The following PRKG1 variants were observed in gnomAD, a reference collection of about 807,000 sequenced individuals.
PRKG1 encodes the protein cGMP-dependent protein kinase 1.
Under a neutral mutation model 88.1 loss-of-function variants are expected in PRKG1, and 35 were observed. The observed-to-expected ratio is 0.40, with a 90% CI of 0.30 to 0.53. PRKG1 has a LOEUF of 0.53. Ranked by LOEUF, PRKG1 falls within the 20% of genes least tolerant of loss-of-function variation. The probability of loss-of-function intolerance (pLI) is 0.59; values close to 1 mark genes in which losing one functional copy is unlikely to be tolerated. For missense variants in PRKG1, 540 were observed against 839.8 expected (o/e 0.64, Z 4.41); for synonymous variants, 303 against 292.5 (o/e 1.04, Z -0.37).
chr10:52,078,115 T>A (rs1298492659), intron 7 of PRKG1, among the ~76,000 whole-genome samples: 1 of 152,200 alleles, frequency 6.6e-6, no homozygotes, highest in Non-Finnish European at 1.5e-5. Flanking sequence ...CCACACACAT[T>A]CTGTAAGAAG....
intron 1 of PRKG1, among the ~76,000 whole-genome samples, chr10:51,003,804 C>A (rs1842913591): frequency 6.6e-6 from 1 of 151,920 alleles, no homozygotes; most frequent in Admixed American, 6.6e-5. Context: ...ATTTTTTCAC[C>A]CGAAATAAAA....
At chr10:51,502,228 T>C (rs1926212) in intron 3 of PRKG1, among the ~76,000 whole-genome samples, 50,150 of 151,892 alleles carry the variant, frequency 0.33, 9,411 homozygotes, top group East Asian at 0.8. Flanking sequence ...ATCTCTGTTA[T>C]GCCACCAATT....
chr10:51,828,941 C>T (rs1466641920), intron 4 of PRKG1, among the ~76,000 whole-genome samples: 1 of 152,166 alleles, frequency 6.6e-6, no homozygotes, highest in Non-Finnish European at 1.5e-5. Context: ...TGGTTTAAAA[C>T]AACAAACATT....
At chr10:51,187,461 T>C (rs1837521642) in intron 2 of PRKG1, among the ~76,000 whole-genome samples, 1 of 152,052 alleles carries the variant, frequency 6.6e-6, no homozygotes, top group Non-Finnish European at 1.5e-5. Flanking sequence ...ATTTAAAAGT[T>C]GACCTTTTTT....
chr10:51,424,914 C>T (rs376594085), intron 2 of PRKG1, among the ~76,000 whole-genome samples: 11 of 152,224 alleles, frequency 7.2e-5, no homozygotes, highest in African/African-American at 2.6e-4. Flanking sequence ...ATAAGGAATG[C>T]GGATATACAT....
chr10:51,638,670 C>T (rs1353776507), intron 3 of PRKG1, among the ~76,000 whole-genome samples: 3 of 151,986 alleles, frequency 2.0e-5, no homozygotes, highest in Non-Finnish European at 2.9e-5. Flanking sequence ...ACAAGAGTTA[C>T]AATGGGAATA....
At chr10:51,944,132 T>C (rs1307212740) in intron 5 of PRKG1, among the ~76,000 whole-genome samples, 3 of 152,018 alleles carry the variant, frequency 2.0e-5, no homozygotes, top group Non-Finnish European at 4.4e-5. Flanking sequence ...CAATTTCAGC[T>C]CCTGTTATTG....
intron 2 of PRKG1, among the ~76,000 whole-genome samples, chr10:51,178,047 G>A (rs1036940943): frequency 1.4e-4 from 22 of 152,020 alleles, no homozygotes; most frequent in Non-Finnish European, 2.4e-4. Context: ...GTATCATTTA[G>A]ATTCACATAA....
At chr10:51,288,036 A>G (rs1840486165) in intron 2 of PRKG1, among the ~76,000 whole-genome samples, 1 of 152,102 alleles carries the variant, frequency 6.6e-6, no homozygotes, top group East Asian at 1.9e-4. Context: ...TTGATTTGTT[A>G]TTCTTCATCT....
chr10:51,176,399 C>T (rs1385671095), intron 2 of PRKG1, among the ~76,000 whole-genome samples: 1 of 152,038 alleles, frequency 6.6e-6, no homozygotes, highest in East Asian at 1.9e-4. Flanking sequence ...ATTCAACAGA[C>T]ATTTAGCATA....
intron 2 of PRKG1, among the ~76,000 whole-genome samples, chr10:51,168,061 T>G (rs899039234): frequency 1.3e-5 from 2 of 152,220 alleles, no homozygotes; most frequent in African/African-American, 4.8e-5. Context: ...CAATTCTTTA[T>G]GAGAAATATT....
At chr10:51,991,901 G>T (rs1844317735) in intron 5 of PRKG1, among the ~76,000 whole-genome samples, 1 of 152,046 alleles carries the variant, frequency 6.6e-6, no homozygotes, top group Non-Finnish European at 1.5e-5. Flanking sequence ...CCCAGTAATG[G>T]GATGGCCTAA....
chr10:51,860,815 G>T (rs1270573305), intron 4 of PRKG1, among the ~76,000 whole-genome samples: 1 of 152,192 alleles, frequency 6.6e-6, no homozygotes, highest in Non-Finnish European at 1.5e-5. Context: ...CAAAGCAAGA[G>T]GAGGCAGAAT....
At chr10:51,889,663 C>G (rs1841666725) in intron 4 of PRKG1, among the ~76,000 whole-genome samples, 1 of 152,228 alleles carries the variant, frequency 6.6e-6, no homozygotes, top group African/African-American at 2.4e-5. Flanking sequence ...AACTAGTTTA[C>G]AGTCCCACCA....
intron 2 of PRKG1, among the ~76,000 whole-genome samples, chr10:51,194,733 A>G (rs922589005): frequency 3.3e-5 from 5 of 152,140 alleles, no homozygotes; most frequent in African/African-American, 1.2e-4. Flanking sequence ...ACATAAATTT[A>G]TTGACTCACG....
intron 4 of PRKG1, among the ~76,000 whole-genome samples, chr10:51,858,589 A>T (rs767144270): frequency 4.0e-5 from 6 of 149,076 alleles, no homozygotes; most frequent in Non-Finnish European, 8.9e-5. Context: ...AACATTTTGC[A>T]CCTATAGTGT....
At chr10:51,115,076 G>A (rs1419553739) in intron 1 of PRKG1, among the ~76,000 whole-genome samples, 1 of 151,920 alleles carries the variant, frequency 6.6e-6, no homozygotes, top group East Asian at 1.9e-4. Context: ...AGCATTTTGG[G>A]AGGCTGAGGC....
chr10:51,531,851 A>G (rs1485199260), intron 3 of PRKG1, among the ~76,000 whole-genome samples: 2 of 151,486 alleles, frequency 1.3e-5, no homozygotes. Context: ...TACCATGTTG[A>G]CCAGGCTGGT....
intron 2 of PRKG1, among the ~76,000 whole-genome samples, chr10:51,341,300 T>G (rs1477062229): frequency 1.3e-5 from 2 of 152,228 alleles, no homozygotes; most frequent in Non-Finnish European, 2.9e-5. Context: ...GTTATTCTTT[T>G]GAGGTTTTAT....
Sources: gnomAD v4.1 joint callset for allele counts (sites outside exome capture counted in the v4.1 genomes callset) on GRCh38, gnomAD v4.1.1 for gene constraint, MANE v1.5 for transcripts, NCBI Gene and HGNC (gene_info 2026-07-23, HGNC 2026-07-21) for gene names.